The following CSGALNACT2 variants were observed in gnomAD, a reference collection of about 807,000 sequenced individuals.
CSGALNACT2 encodes chondroitin sulfate N-acetylgalactosaminyltransferase 2.
Under a neutral mutation model 55.3 loss-of-function variants are expected in CSGALNACT2, and 35 were observed. The observed-to-expected ratio is 0.63, with a 90% confidence interval of 0.48 to 0.84. The LOEUF is 0.84. Ranked by LOEUF, CSGALNACT2 falls within the 40% of genes least tolerant of loss-of-function variation. The pLI, the probability that CSGALNACT2 is intolerant of heterozygous loss-of-function variation, is 0.00. For synonymous variants in CSGALNACT2, 196 were observed against 224.9 expected, an observed-to-expected ratio of 0.87 and a Z score of 1.15; for missense variants, 544 against 657.5, an observed-to-expected ratio of 0.83 and a Z score of 1.89.
chr10:43,173,884 T>G (rs779241834), intron 6 of CSGALNACT2, among the ~76,000 whole-genome samples: 24 of 152,086 alleles, frequency 1.6e-4, no homozygotes, highest in Non-Finnish European at 3.2e-4. Flanking sequence ...TCCCAGCTGT[T>G]CAGCGGACTG....
chr10:43,139,798 A>T (rs1452819743), intron 1 of CSGALNACT2, among the ~76,000 whole-genome samples: 2 of 152,214 alleles, frequency 1.3e-5, no homozygotes, highest in African/African-American at 4.8e-5. Context: ...ATTTCATGGT[A>T]TTGTATTATT....
At chr10:43,163,470 C>G in intron 4 of CSGALNACT2, 2 of 967,254 alleles carry the variant, frequency 2.1e-6, no homozygotes, top group South Asian at 9.6e-5. Flanking sequence ...TCTGATAAGG[C>G]GACATGTGTG....
At chr10:43,163,262 A>G (rs1475531051) in intron 4 of CSGALNACT2, 1 of 959,468 alleles carries the variant, frequency 1.0e-6, no homozygotes, top group African/African-American at 1.8e-5. Context: ...CATTCAGCAA[A>G]TATTTATTGA....
At chr10:43,141,821 A>G (rs1838633070) in intron 1 of CSGALNACT2, among the ~76,000 whole-genome samples, 1 of 152,146 alleles carries the variant, frequency 6.6e-6, no homozygotes, top group African/African-American at 2.4e-5. Flanking sequence ...ATCCTGAGCC[A>G]GGGAGAAATA....
chr10:43,157,511 C>T (rs1839040098), intron 2 of CSGALNACT2, among the ~76,000 whole-genome samples: 1 of 152,214 alleles, frequency 6.6e-6, no homozygotes, highest in Non-Finnish European at 1.5e-5. Context: ...AACCTCAGGT[C>T]TAAGACAGCA....
At chr10:43,178,522 G>A (rs903328785) in intron 7 of CSGALNACT2, among the ~76,000 whole-genome samples, 1 of 151,528 alleles carries the variant, frequency 6.6e-6, no homozygotes, top group Non-Finnish European at 1.5e-5. Context: ...TTGGGAGGCT[G>A]AGGCAGGAGA....
rs1467400687 is a variant in CSGALNACT2 at position 43,160,579 on chromosome 10, C to T, written c.964C>T (p.Leu322=). The change falls in exon 4 of 8, where the codon CTA becomes TTA. Residue 322 remains leucine (L), a synonymous_variant. Coordinates refer to ENST00000374466, the MANE Select transcript of CSGALNACT2 (RefSeq NM_018590.5). ...KEGLSKVKSI[L]ESVTSESNFH... is the part of the protein sequence containing the mutation. The stretch of plus-strand genomic sequence containing the variant: ...AGGACTGTCTAAAGTCAAGTCTATC[C>T]TAGAATCTGTCACCAGGTTGGTGAA... The T allele has an allele frequency of 6.5e-7, 1 of 1,543,812 alleles. No individual in the cohort carries two copies. The highest frequency in any genetic ancestry group is 1.1e-5 in the South Asian group (1 of 89,354).
chr10:43,166,528 TG>T lies in CSGALNACT2; in HGVS notation c.1160-474del, dbSNP rs1839267919. Among the ~76,000 whole-genome samples the T allele has an allele frequency of 5.3e-5, 8 of 152,370 alleles. No individual in the cohort carries two copies. In the South Asian group the frequency reaches 1.7e-3, roughly 32 times the overall value. ...TTGTCTTCCCGACTTTTCCAGATTT[TG>T]GTTCAGATTTATTCTATATTTTCAT... On this transcript the variant is annotated intron_variant, in intron 5 of 7. Coordinates refer to ENST00000374466, the MANE Select transcript of CSGALNACT2 (RefSeq NM_018590.5).
intron 1 of CSGALNACT2, among the ~76,000 whole-genome samples, chr10:43,146,538 T>C (rs932911674): frequency 3.3e-5 from 5 of 152,158 alleles, no homozygotes; most frequent in African/African-American, 1.2e-4. Context: ...AACAATACTT[T>C]GTATCCTTCA....
At chr10:43,164,995 G>A (rs916060843) in intron 5 of CSGALNACT2, among the ~76,000 whole-genome samples, 2 of 151,974 alleles carry the variant, frequency 1.3e-5, no homozygotes, top group East Asian at 1.9e-4. Flanking sequence ...AGGCCGAGGC[G>A]GGCGGATCAC....
chr10:43,154,857 G>A, intron 1 of CSGALNACT2, 40 bp from the exon 2 acceptor site: 1 of 330,962 alleles, frequency 3.0e-6, no homozygotes, highest in Non-Finnish European at 5.5e-6. Flanking sequence ...ATATCCTTAA[G>A]GGAACAAAAT....
At chr10:43,158,611 G>T in intron 2 of CSGALNACT2, 104 bp from the exon 3 acceptor site, 1 of 662,504 alleles carries the variant, frequency 1.5e-6, no homozygotes, top group Non-Finnish European at 2.7e-6. Flanking sequence ...AATCCTGCAG[G>T]TCTAGTTTAA....
At chr10:43,182,169 A>G (rs1436432271) in intron 7 of CSGALNACT2, among the ~76,000 whole-genome samples, 1 of 151,646 alleles carries the variant, frequency 6.6e-6, no homozygotes. Context: ...CCATCACTCT[A>G]TCAGAATTGT....
intron 1 of CSGALNACT2, among the ~76,000 whole-genome samples, chr10:43,138,872 C>T (rs911053727): frequency 2.6e-5 from 4 of 152,226 alleles, no homozygotes; most frequent in African/African-American, 9.6e-5. Flanking sequence ...TCAGTGGTGA[C>T]CTCGTCATCG....
At chr10:43,156,710 G>A (rs528202152) in intron 2 of CSGALNACT2, among the ~76,000 whole-genome samples, 3 of 152,348 alleles carry the variant, frequency 2.0e-5, no homozygotes, top group African/African-American at 7.2e-5. Context: ...AGAGCGTGCA[G>A]TGTAGATTCC....
chr10:43,169,846 A>G (rs975429552), intron 6 of CSGALNACT2, among the ~76,000 whole-genome samples: 3 of 152,248 alleles, frequency 2.0e-5, no homozygotes, highest in African/African-American at 4.8e-5. Flanking sequence ...TTCTTTTTGA[A>G]AACACTGGTG....
Position 43,160,576 on chromosome 10 carries a change from A to G in CSGALNACT2, c.961A>G (p.Ile321Val), listed in dbSNP as rs752507978. 9 of 1,551,452 alleles carry G rather than the reference A, an allele frequency of 5.8e-6. No individual in the cohort carries two copies. Among genetic ancestry groups the G allele is most frequent in the South Asian group, 1.1e-5 (1 of 89,572 alleles). ...AGAAGGACTGTCTAAAGTCAAGTCT[A>G]TCCTAGAATCTGTCACCAGGTTGGT... is the stretch of plus-strand genomic sequence containing the variant. ...GKEGLSKVKS[I>V]LESVTSESNF... Residue 321 changes from isoleucine (I) to valine (V), a missense_variant, in exon 4 of 8, where the codon ATC becomes GTC. Physicochemically the swap from Ile to Val is conservative, Grantham distance 29. Transcript: ENST00000374466.
chr10:43,167,748 C>A (rs535519229), intron 6 of CSGALNACT2, among the ~76,000 whole-genome samples: 51 of 152,222 alleles, frequency 3.4e-4, no homozygotes, highest in African/African-American at 1.2e-3. Context: ...TAGGATTACA[C>A]CAGTTTTTCT....
intron 1 of CSGALNACT2, among the ~76,000 whole-genome samples, chr10:43,146,979 TTTTTTTTTTTGTG>T (rs1172361236): frequency 0.27 from 103 of 380 alleles, 4 homozygotes; most frequent in Middle Eastern, 0.5. Context: ...TTTTTTTTTT[TTTTTTTTTTTGTG>T]GAGACGGGAG....
Sources: allele counts gnomAD v4.1 joint callset (sites outside exome capture counted in the v4.1 genomes callset), GRCh38; gene constraint gnomAD v4.1.1; transcripts MANE v1.5; gene names NCBI Gene and HGNC (gene_info 2026-07-23, HGNC 2026-07-21).